EML4: variants seen among roughly 807,000 people sequenced by gnomAD.
The protein encoded by EML4 is echinoderm microtubule-associated protein-like 4.
Under a neutral mutation model 129.0 loss-of-function variants are expected in EML4, and 72 were observed. That is an observed-to-expected ratio of 0.56 (90% CI 0.46 to 0.68). The LOEUF is 0.68. Ranked by LOEUF, EML4 falls within the 30% of genes least tolerant of loss-of-function variation. EML4 has a pLI of 0.00. For missense variants in EML4, 1,363 were observed against 1,190.6 expected (o/e 1.14, Z -2.13); for synonymous variants, 532 against 405.0 (o/e 1.31, Z -3.77).
chr2:42,201,302 G>A (rs1357881721), intron 1 of EML4, among the ~76,000 whole-genome samples: 1 of 152,150 alleles, frequency 6.6e-6, no homozygotes, highest in East Asian at 1.9e-4. Context: ...AGTAAGCTGT[G>A]AAGGAGTTAG....
chr2:42,208,600 A>AT (rs1445269624), intron 1 of EML4, among the ~76,000 whole-genome samples: 2 of 151,724 alleles, frequency 1.3e-5, no homozygotes, highest in African/African-American at 4.8e-5. Flanking sequence ...CACCCGGCTA[A>AT]TTTTTTATGT....
intron 4 of EML4, among the ~76,000 whole-genome samples, chr2:42,262,190 A>C (rs571263395): frequency 2.0e-5 from 3 of 152,294 alleles, no homozygotes; most frequent in African/African-American, 7.2e-5. Context: ...GATCAATTTA[A>C]TATTTTGCCT....
At chr2:42,263,021 C>T (rs1473832542) in intron 4 of EML4, among the ~76,000 whole-genome samples, 157 bp from the exon 5 acceptor site, 1 of 152,190 alleles carries the variant, frequency 6.6e-6, no homozygotes, top group Non-Finnish European at 1.5e-5. Flanking sequence ...CCTTGTTTAA[C>T]TCCTTCACTC....
chr2:42,232,884 G>A (rs975382888), intron 1 of EML4, among the ~76,000 whole-genome samples: 5 of 151,644 alleles, frequency 3.3e-5, no homozygotes, highest in African/African-American at 1.2e-4. Flanking sequence ...GCCACAACGC[G>A]CGGCTAATTT....
intron 19 of EML4, among the ~76,000 whole-genome samples, chr2:42,324,426 G>A (rs543167704): frequency 6.6e-6 from 1 of 152,214 alleles, no homozygotes; most frequent in Non-Finnish European, 1.5e-5. Flanking sequence ...GACCAGCCTC[G>A]GCGATGTGGT....
chr2:42,216,165 C>T (rs936460992), intron 1 of EML4, among the ~76,000 whole-genome samples: 1 of 150,428 alleles, frequency 6.6e-6, no homozygotes, highest in Non-Finnish European at 1.5e-5. Context: ...GGTGATCTGC[C>T]TGCCTCGGCG....
chr2:42,263,287 G>C lies in EML4; in HGVS notation c.622G>C (p.Val208Leu). ...TTCAACACCCAAATTAATACCAAAA[G>C]TTACCAAAACTGCAGACAAGTAAGT... ...IPSTPKLIPK[V>L]TKTADKHKDV... Residue 208 changes from valine (V) to leucine (L), a missense_variant, in exon 5 of 23, where the codon GTT becomes CTT. Transcript: ENST00000318522. The C allele has an allele frequency of 6.2e-7, 1 of 1,602,966 alleles. No individual in the cohort carries two copies. Among genetic ancestry groups the C allele is most frequent in the Non-Finnish European group, 8.5e-7 (1 of 1,174,210 alleles).
At chr2:42,269,268 T>G (rs879751145) in intron 6 of EML4, among the ~76,000 whole-genome samples, 4 of 152,206 alleles carry the variant, frequency 2.6e-5, no homozygotes, top group Non-Finnish European at 5.9e-5. Flanking sequence ...TAAAAATAAA[T>G]AAAACGAACT....
At chr2:42,214,822 G>A (rs1673085804) in intron 1 of EML4, among the ~76,000 whole-genome samples, 1 of 152,146 alleles carries the variant, frequency 6.6e-6, no homozygotes, top group Non-Finnish European at 1.5e-5. Flanking sequence ...ACTTCTTAAA[G>A]GGCAGCTCAG....
intron 17 of EML4, among the ~76,000 whole-genome samples, chr2:42,313,547 G>A (rs1450293571): frequency 6.6e-6 from 1 of 151,888 alleles, no homozygotes; most frequent in Non-Finnish European, 1.5e-5. Flanking sequence ...AATCCTTCAA[G>A]CCCTTTTCTC....
intron 2 of EML4, among the ~76,000 whole-genome samples, chr2:42,255,321 G>A (rs533210701): frequency 1.3e-5 from 2 of 152,122 alleles, no homozygotes; most frequent in East Asian, 3.9e-4. Context: ...TCCTGACCTC[G>A]TGATCCGCCC....
chr2:42,255,852 A>G (rs1216661586), intron 2 of EML4, among the ~76,000 whole-genome samples: 3 of 152,200 alleles, frequency 2.0e-5, no homozygotes, highest in South Asian at 2.1e-4. Context: ...AAGGTACTAG[A>G]TATTACTTGT....
At chr2:42,216,881 C>T (rs1054454940) in intron 1 of EML4, among the ~76,000 whole-genome samples, 1 of 152,044 alleles carries the variant, frequency 6.6e-6, no homozygotes, top group Non-Finnish European at 1.5e-5. Flanking sequence ...CTGACTCACA[C>T]CCTTAAGTAA....
intron 5 of EML4, 112 bp from the exon 6 acceptor site, chr2:42,264,593 AT>A (rs1307196491): frequency 1.5e-6 from 1 of 687,648 alleles, no homozygotes; most frequent in Non-Finnish European, 2.5e-6. Flanking sequence ...ACTTCCAGAG[AT>A]TTATCTAGAT....
chr2:42,314,385 G>T (rs1046820866), intron 17 of EML4, among the ~76,000 whole-genome samples: 8 of 151,626 alleles, frequency 5.3e-5, no homozygotes, highest in African/African-American at 1.9e-4. Context: ...TGCTTTTTTT[G>T]CCCTGTTCAG....
intron 2 of EML4, among the ~76,000 whole-genome samples, chr2:42,252,683 CTT>C: frequency 6.6e-6 from 1 of 152,276 alleles, no homozygotes; most frequent in African/African-American, 2.4e-5. Flanking sequence ...CATACACTCT[CTT>C]TGCTGTTAGA....
chr2:42,178,753 T>C (rs2103824644), intron 1 of EML4, among the ~76,000 whole-genome samples: 1 of 152,304 alleles, frequency 6.6e-6, no homozygotes, highest in East Asian at 1.9e-4. Context: ...ATACATTTTT[T>C]CCCCAGGAAG....
In EML4 at chr2:42,249,535, A is replaced by G. The variant is rs1419231806; in HGVS notation, c.208+3848A>G. 3.3e-5 allele frequency among the ~76,000 whole-genome samples: 5 copies of G among 152,166 alleles called. No homozygotes were observed. The East Asian group carries it at 9.6e-4, about 29-fold the overall frequency. On this transcript the variant is annotated intron_variant, in intron 2 of 22. Coordinates refer to ENST00000318522, the MANE Select transcript of EML4 (RefSeq NM_019063.5). ...TATGGTTTTGCTAGATGGTGGTGAT[A>G]TGGGAAGGACATAAGTTGTCATCAG...
chr2:42,179,065 G>A (rs1013987974), intron 1 of EML4, among the ~76,000 whole-genome samples: 1 of 152,138 alleles, frequency 6.6e-6, no homozygotes, highest in African/African-American at 2.4e-5. Flanking sequence ...ATATGGTGGT[G>A]AAATCAGACA....
Sources: allele counts gnomAD v4.1 joint callset (sites outside exome capture counted in the v4.1 genomes callset), GRCh38; gene constraint gnomAD v4.1.1; transcripts MANE v1.5; gene names NCBI Gene and HGNC (gene_info 2026-07-23, HGNC 2026-07-21).